The following RPA1 variants were observed in gnomAD, a reference collection of about 807,000 sequenced individuals.
RPA1 encodes replication protein A1, also known as replication protein A 70 kDa DNA-binding subunit.
In RPA1, 49 loss-of-function variants were observed where a neutral mutation model predicts 83.0. The observed-to-expected ratio is 0.59, with a 90% CI of 0.47 to 0.75. RPA1 has a LOEUF of 0.75. Among genes scored for constraint, RPA1 ranks in the 30% least tolerant of loss-of-function variants. The pLI, the probability that RPA1 is intolerant of heterozygous loss-of-function variation, is 0.00. For synonymous variants in RPA1, 279 were observed against 281.8 expected (o/e 0.99, Z 0.10); for missense variants, 693 against 776.1 (o/e 0.89, Z 1.27).
chr17:1,858,164 A>G, intron 5 of RPA1: 14 of 1,614,008 alleles, frequency 8.7e-6, no homozygotes, highest in Non-Finnish European at 1.2e-5. Context: ...ATCCCATTCC[A>G]GGTATGATAC....
Position 1,898,784 on chromosome 17 carries a change from T to C in RPA1, c.*1609T>C, listed in dbSNP as rs1914544662. On this transcript the variant is annotated 3_prime_UTR_variant, in exon 17 of 17. Transcript: ENST00000254719. Reference sequence around the variant, plus strand: ...CTCAGGAGATGGTAACTGGGTCGCATTTCAGTCTCTGACTGAGGCCTCAGC... The same window carrying C: ...CTCAGGAGATGGTAACTGGGTCGCACTTCAGTCTCTGACTGAGGCCTCAGC... The C allele has an allele frequency of 6.6e-6, 1 of 152,268 alleles. No individual in the cohort carries two copies. Among genetic ancestry groups the C allele is most frequent in the Non-Finnish European group, 1.5e-5 (1 of 68,038 alleles). The allele number at this position is 152,268 out of a possible 1,614,324, so 9.4% of individuals were successfully genotyped here.
At chr17:1,876,838 G>C (rs904252446) in intron 7 of RPA1, among the ~76,000 whole-genome samples, 2 of 152,214 alleles carry the variant, frequency 1.3e-5, no homozygotes. Context: ...TGTAACACCA[G>C]TTATATCAGT....
intron 5 of RPA1, chr17:1,858,137 T>C (rs3809874): frequency 0.89 from 1,430,332 of 1,613,468 alleles, 637,823 homozygotes; most frequent in Non-Finnish European, 0.92. Flanking sequence ...TTTCCTAGGT[T>C]CCACATCAAG....
chr17:1,833,778 C>G (rs560708785), intron 1 of RPA1, among the ~76,000 whole-genome samples: 1 of 151,960 alleles, frequency 6.6e-6, no homozygotes, highest in East Asian at 1.9e-4. Flanking sequence ...CTCTTGAACC[C>G]GGGAGATAGA....
intron 14 of RPA1, among the ~76,000 whole-genome samples, chr17:1,889,387 G>T (rs1221433782): frequency 6.6e-6 from 1 of 150,696 alleles, no homozygotes; most frequent in African/African-American, 2.4e-5. Context: ...CCAGAATAGA[G>T]TGCAATGGTA....
intron 1 of RPA1, 132 bp downstream of exon 1, chr17:1,830,258 G>A: frequency 1.7e-6 from 1 of 600,962 alleles, no homozygotes; most frequent in Non-Finnish European, 2.4e-6. Context: ...GGGGGGCGGT[G>A]GGGACCCGCC....
In RPA1 at chr17:1,879,687, G is replaced by T. The variant is rs1913708125; in HGVS notation, c.1080G>T (p.Leu360=). Residue 360 remains leucine, a synonymous_variant, in exon 11 of 17, where the codon CTG becomes CTT. Coordinates refer to ENST00000254719, the MANE Select transcript of RPA1 (RefSeq NM_002945.5). ...CCGGGAAGGTGGTGACTGCTACACT[G>T]TGGGGGGAAGATGTAAGTGCTGGGA... The part of the protein sequence containing the change: ...DTSGKVVTAT[L]WGEDADKFDG... 4 of 1,614,236 alleles carry T rather than the reference G, an allele frequency of 2.5e-6. No individual in the cohort carries two copies. The highest frequency in any genetic ancestry group is 2.2e-5 in the South Asian group (2 of 91,086).
chr17:1,833,608 A>G (rs771128520), intron 1 of RPA1, among the ~76,000 whole-genome samples: 1 of 152,046 alleles, frequency 6.6e-6, no homozygotes, highest in Non-Finnish European at 1.5e-5. Flanking sequence ...TAATCCCAGC[A>G]TTTTGGGAAG....
chr17:1,851,953 A>G (rs1912512370), intron 4 of RPA1, among the ~76,000 whole-genome samples: 1 of 124,292 alleles, frequency 8.0e-6, no homozygotes, highest in African/African-American at 2.9e-5. Flanking sequence ...AACAGCAGTC[A>G]GACCATTTAA....
At position 1,846,494 on chromosome 17, in the gene RPA1, G is replaced by C. The variant is rs1912262663; in HGVS notation, c.272+1808G>C. 2.6e-5 allele frequency among the ~76,000 whole-genome samples: 4 copies of C among 151,718 alleles called. No individual in the cohort carries two copies. In the South Asian group the frequency reaches 8.3e-4, roughly 32 times the overall value. ...CACCACGCCTGGCTAATTTTGTTTT[G>C]TATTTTTAGTAGAGACGGGGTTTCA... On this transcript the variant is annotated intron_variant, in intron 4 of 16. Coordinates refer to ENST00000254719, the MANE Select transcript of RPA1 (RefSeq NM_002945.5).
At chr17:1,837,800 C>G (rs889740830) in intron 1 of RPA1, among the ~76,000 whole-genome samples, 2 of 152,128 alleles carry the variant, frequency 1.3e-5, no homozygotes, top group African/African-American at 2.4e-5. Flanking sequence ...TGTGAGAATT[C>G]TTGATTCTTG....
Position 1,839,635 on chromosome 17 carries a change from A to AT in RPA1, c.34-3153dup, listed in dbSNP as rs144744428. ...GCCACCGTGCCTGGCCTCTAGCTTCATTTTTTTTTTTTTTTGAGACAGGAT... is the reference window on the plus strand; with the variant it reads ...GCCACCGTGCCTGGCCTCTAGCTTCATTTTTTTTTTTTTTTTGAGACAGGAT... On this transcript the variant is annotated intron_variant, in intron 1 of 16. Transcript: ENST00000254719. Among the ~76,000 whole-genome samples the AT allele has an allele frequency of 5.7e-3, 753 of 131,200 alleles. 3 individuals are homozygous for AT. Among genetic ancestry groups the AT allele is most frequent in the African/African-American group, 0.014 (482 of 35,544 alleles). The allele number at this position is 131,200 out of a possible 152,430, so 86.1% of individuals were successfully genotyped here. A position where few individuals can be genotyped will look rare whatever the true frequency, so the allele number is the denominator to read the frequency against.
chr17:1,851,346 A>C (rs1912490616), intron 4 of RPA1, among the ~76,000 whole-genome samples: 1 of 152,036 alleles, frequency 6.6e-6, no homozygotes, highest in Non-Finnish European at 1.5e-5. Flanking sequence ...CGGTAGATTG[A>C]TGGTCTGTTA....
rs71150822 is a variant in RPA1, at chr17:1,845,162, T to TTGTGTGTGTGTG, written c.272+498_272+509dup. On this transcript the variant is annotated intron_variant, in intron 4 of 16. Coordinates refer to ENST00000254719, the MANE Select transcript of RPA1 (RefSeq NM_002945.5). The stretch of plus-strand genomic sequence containing the variant: ...ATGATAATTATTTTGTAATGCTGCT[T>TTGTGTGTGTGTG]TGTGTGTGTGTGTGTGTGTGTGTGT... Among the ~76,000 whole-genome samples, 1,211 of 141,700 alleles carry TTGTGTGTGTGTG rather than the reference T, an allele frequency of 8.5e-3. 21 individuals carry two copies. Among genetic ancestry groups the TTGTGTGTGTGTG allele is most frequent in the African/African-American group, 0.03 (1,158 of 39,170 alleles). The allele number at this position is 141,700 out of a possible 152,430, so 93.0% of individuals were successfully genotyped here. A position where few individuals can be genotyped will look rare whatever the true frequency, so the allele number is the denominator to read the frequency against.
chr17:1,857,084 T>C (rs1912727192), intron 5 of RPA1, among the ~76,000 whole-genome samples: 18 of 152,128 alleles, frequency 1.2e-4, no homozygotes, highest in Admixed American at 1.2e-3. Flanking sequence ...TGTAGCATTA[T>C]AAATCTGCCC....
At position 1,880,570 on chromosome 17, in the gene RPA1, C is replaced by T. The variant is rs771934230; in HGVS notation, c.1120C>T (p.Pro374Ser). 5 of 1,614,052 alleles carry T rather than the reference C, an allele frequency of 3.1e-6. No homozygotes were observed. The highest frequency in any genetic ancestry group is 3.4e-6 in the Non-Finnish European group (4 of 1,179,982). Residue 374 changes from proline (P) to serine (S), a missense_variant, in exon 12 of 17, where the codon CCC becomes TCC. Physicochemically the swap from Pro to Ser is moderately conservative, Grantham distance 74. Coordinates refer to ENST00000254719, the MANE Select transcript of RPA1 (RefSeq NM_002945.5). ...DADKFDGSRQPVLAIKGARVS... is the reference protein window; with the variant it reads ...DADKFDGSRQSVLAIKGARVS... ...TGATAAATTTGATGGTTCTAGACAG[C>T]CCGTGTTGGCTATCAAAGGAGCCCG...
intron 4 of RPA1, among the ~76,000 whole-genome samples, chr17:1,845,132 A>G (rs1307629226): frequency 1.6e-4 from 24 of 150,584 alleles, no homozygotes. Context: ...ATTTTACAGC[A>G]GAAAATGATA....
chr17:1,838,247 C>T (rs1255984929), intron 1 of RPA1, among the ~76,000 whole-genome samples: 1 of 151,720 alleles, frequency 6.6e-6, no homozygotes, highest in Admixed American at 6.6e-5. Flanking sequence ...GCCAAGATCG[C>T]ACCACTGCAC....
intron 15 of RPA1, 30 bp from the exon 16 acceptor site, chr17:1,894,979 A>G (rs767367479): frequency 1.3e-6 from 2 of 1,585,908 alleles, no homozygotes; most frequent in South Asian, 1.1e-5. Context: ...AGTGGTTTCC[A>G]TGTGTCAAGT....
Sources: gnomAD v4.1 joint callset for allele counts (sites outside exome capture counted in the v4.1 genomes callset) on GRCh38, gnomAD v4.1.1 for gene constraint, MANE v1.5 for transcripts, NCBI Gene and HGNC (gene_info 2026-07-23, HGNC 2026-07-21) for gene names.